Variants in PTPRN2 observed in about 807,000 individuals in gnomAD.
PTPRN2 encodes protein tyrosine phosphatase receptor type N2, also known as receptor-type tyrosine-protein phosphatase N2.
In PTPRN2, 74 loss-of-function variants were observed where a neutral mutation model predicts 118.8. The ratio of observed to expected loss-of-function variants is 0.62; its 90% CI spans 0.52 to 0.76. PTPRN2 has a LOEUF of 0.76. Among genes scored for constraint, PTPRN2 ranks in the 30% least tolerant of loss-of-function variants. The pLI is 0.00. For synonymous variants in PTPRN2, 641 were observed against 608.0 expected (o/e 1.05, Z -0.80); for missense variants, 1,481 against 1,394.4 (o/e 1.06, Z -0.99).
At chr7:158,265,391 C>T (rs1212054060) in intron 3 of PTPRN2, among the ~76,000 whole-genome samples, 3 of 152,088 alleles carry the variant, frequency 2.0e-5, no homozygotes, top group African/African-American at 7.2e-5. Context: ...TGCAGGCAGG[C>T]ACCCACCTGC....
chr7:157,675,876 G>C (rs557067229), intron 13 of PTPRN2, among the ~76,000 whole-genome samples: 1 of 152,300 alleles, frequency 6.6e-6, no homozygotes, highest in South Asian at 2.1e-4. Context: ...GGGAATGGAA[G>C]GGCAATGGCA....
chr7:157,717,994 G>A (rs887414), intron 12 of PTPRN2, among the ~76,000 whole-genome samples: 31,053 of 152,298 alleles, frequency 0.2, 3,824 homozygotes, highest in Non-Finnish European at 0.28. Flanking sequence ...CAGGGCCCTG[G>A]GCCACATTCC....
At chr7:157,886,037 C>T (rs989920016) in intron 12 of PTPRN2, among the ~76,000 whole-genome samples, 2 of 152,226 alleles carry the variant, frequency 1.3e-5, no homozygotes, top group African/African-American at 2.4e-5. Context: ...TAATTTTCTT[C>T]ATCTCTTTAA....
chr7:157,901,889 T>C (rs995392283), intron 11 of PTPRN2, among the ~76,000 whole-genome samples: 5 of 148,430 alleles, frequency 3.4e-5, no homozygotes, highest in African/African-American at 1.3e-4. Flanking sequence ...GGCGGGGCCT[T>C]CCCGTCCGTG....
chr7:157,673,781 C>A (rs527570209), intron 13 of PTPRN2, among the ~76,000 whole-genome samples: 1 of 152,132 alleles, frequency 6.6e-6, no homozygotes, highest in Non-Finnish European at 1.5e-5. Context: ...GAACCCCACG[C>A]GGCACCCAGG....
intron 3 of PTPRN2, among the ~76,000 whole-genome samples, chr7:158,303,333 A>G (rs1801033203): frequency 2.0e-5 from 3 of 152,182 alleles, no homozygotes; most frequent in Admixed American, 2.0e-4. Context: ...ACACCCTGTA[A>G]TCCCTCTGTG....
chr7:158,469,735 CAAAAAAAA>C (rs56040599), intron 2 of PTPRN2, among the ~76,000 whole-genome samples: 15 of 67,518 alleles, frequency 2.2e-4, no homozygotes, highest in South Asian at 5.7e-4. Context: ...AAAACCTGGC[CAAAAAAAA>C]AAAAAAAAAA....
chr7:158,576,715 C>A (rs1002410797), intron 1 of PTPRN2, among the ~76,000 whole-genome samples: 1 of 152,184 alleles, frequency 6.6e-6, no homozygotes, highest in African/African-American at 2.4e-5. Context: ...CTGCCCGATG[C>A]CACAAACACC....
chr7:158,366,775 T>C (rs569523458), intron 2 of PTPRN2, among the ~76,000 whole-genome samples: 1 of 152,350 alleles, frequency 6.6e-6, no homozygotes, highest in East Asian at 1.9e-4. Flanking sequence ...TGTCTTTGCT[T>C]CTGGTTACCA....
chr7:157,705,685 T>A (rs1255687904), intron 12 of PTPRN2, among the ~76,000 whole-genome samples: 1 of 151,026 alleles, frequency 6.6e-6, no homozygotes, highest in African/African-American at 2.4e-5. Context: ...GGGAATTGAG[T>A]GAATCTGACC....
At chr7:158,033,277 A>G (rs1807821812) in intron 11 of PTPRN2, among the ~76,000 whole-genome samples, 1 of 152,108 alleles carries the variant, frequency 6.6e-6, no homozygotes, top group African/African-American at 2.4e-5. Context: ...TGGGCAGTGG[A>G]GGAGGATGTG....
chr7:157,850,331 G>GC (rs1809179165), intron 12 of PTPRN2, among the ~76,000 whole-genome samples: 1 of 146,470 alleles, frequency 6.8e-6, no homozygotes, highest in African/African-American at 2.5e-5. Context: ...TCCGACGTGG[G>GC]TGCCTCAGGC....
chr7:158,428,857 A>T (rs200794896), intron 2 of PTPRN2, among the ~76,000 whole-genome samples: 1 of 152,194 alleles, frequency 6.6e-6, no homozygotes. Flanking sequence ...TTTCATGGCA[A>T]TGGAAATTAT....
chr7:158,316,748 A>C, intron 3 of PTPRN2, 71 bp downstream of exon 3: 1 of 1,158,322 alleles, frequency 8.6e-7, no homozygotes. Context: ...CTCACCGCCC[A>C]GGAGGAGAAG....
At chr7:158,071,152 G>C (rs1811430501) in intron 11 of PTPRN2, among the ~76,000 whole-genome samples, 1 of 82,212 alleles carries the variant, frequency 1.2e-5, no homozygotes, top group African/African-American at 4.8e-5. Flanking sequence ...TGGTGGTGGA[G>C]GTGCTCGTGG....
intron 12 of PTPRN2, among the ~76,000 whole-genome samples, chr7:157,896,797 C>T (rs913585629): frequency 6.6e-6 from 1 of 152,210 alleles, no homozygotes; most frequent in Admixed American, 6.5e-5. Flanking sequence ...CAGTCAGTGG[C>T]TCCACCTGTC....
rs1349175814 is a variant in PTPRN2, at chr7:157,831,282, A to G, written c.1788+67391T>C. Among the ~76,000 whole-genome samples, 2 of 152,156 alleles carry G rather than the reference A, an allele frequency of 1.3e-5. No individual in the cohort carries two copies. Among genetic ancestry groups the G allele is most frequent in the African/African-American group, 4.8e-5 (2 of 41,428 alleles). On this transcript the variant is annotated intron_variant, in intron 12 of 22. Transcript: ENST00000389418. This position sits in a 1 kb window ranked among gnomAD's most constrained non-coding sequence, Gnocchi z 4.8. Reference sequence around the variant, plus strand: ...GTGCAGGCCTGTCCCAGCGACCTGTAGCCTCATCCAGCACTGCGGCCACTC... The same window carrying G: ...GTGCAGGCCTGTCCCAGCGACCTGTGGCCTCATCCAGCACTGCGGCCACTC...
chr7:157,704,483 G>A (rs1416824165), intron 12 of PTPRN2, among the ~76,000 whole-genome samples: 4 of 152,248 alleles, frequency 2.6e-5, no homozygotes, highest in African/African-American at 9.6e-5. Context: ...AAGAGTGCAA[G>A]AGACCACGTG....
chr7:157,889,765 T>G (rs1329492607), intron 12 of PTPRN2, among the ~76,000 whole-genome samples: 1 of 152,276 alleles, frequency 6.6e-6, no homozygotes, highest in African/African-American at 2.4e-5. Context: ...TTCTGGCTTC[T>G]GGCCGGAGGC....
Sources: gnomAD v4.1 joint callset for allele counts (sites outside exome capture counted in the v4.1 genomes callset) on GRCh38, gnomAD v4.1.1 for gene constraint, Gnocchi (gnomAD v3.1) non-coding constraint, MANE v1.5 for transcripts, NCBI Gene and HGNC (gene_info 2026-07-23, HGNC 2026-07-21) for gene names.